Variants in PTPRG observed in about 807,000 individuals in gnomAD.
PTPRG encodes protein tyrosine phosphatase receptor type G, also known as receptor-type tyrosine-protein phosphatase gamma.
A neutral mutation model predicts 165.3 loss-of-function variants in PTPRG; 102 were observed. The observed-to-expected ratio is 0.62, with a 90% CI of 0.53 to 0.73. PTPRG has a LOEUF of 0.73. PTPRG is among the 30% of genes least tolerant of loss of function. The pLI is 0.00. For missense variants in PTPRG, 1,866 were observed against 1,861.4 expected (o/e 1.00, Z -0.05); for synonymous variants, 675 against 669.5 (o/e 1.01, Z -0.13).
chr3:62,132,431 T>G (rs758517590), intron 5 of PTPRG, among the ~76,000 whole-genome samples, 171 bp from the exon 6 acceptor site: 13 of 152,244 alleles, frequency 8.5e-5, no homozygotes, highest in Non-Finnish European at 1.8e-4. Context: ...CCTCACTTGA[T>G]TTTATGATGT....
chr3:61,600,173 AATATATAT>A (rs1218233993), intron 1 of PTPRG, among the ~76,000 whole-genome samples: 1 of 123,482 alleles, frequency 8.1e-6, no homozygotes, highest in African/African-American at 3.0e-5. Flanking sequence ...AAAAAAAAAA[AATATATAT>A]ATATATATAT....
chr3:62,168,127 T>C lies in PTPRG; in HGVS notation c.997T>C (p.Phe333Leu). The change falls in exon 8 of 30, where the codon TTC becomes CTC. Residue 333 changes from phenylalanine to leucine, a missense_variant. By Grantham distance (22) the Phe-to-Leu change is conservative. Transcript: ENST00000474889. ...RDSWNHDMTDFLENPLGTEAS... is the reference protein window; with the variant it reads ...RDSWNHDMTDLLENPLGTEAS... ...CTCCTGGAACCACGACATGACAGACTTCTTAGAAAACCCACTGGGGACAGA... is the reference window on the plus strand; with the variant it reads ...CTCCTGGAACCACGACATGACAGACCTCTTAGAAAACCCACTGGGGACAGA... 1.2e-6 allele frequency: 2 copies of C among 1,614,078 alleles called. No homozygotes were observed. The highest frequency in any genetic ancestry group is 1.7e-6 in the Non-Finnish European group (2 of 1,179,980).
intron 2 of PTPRG, among the ~76,000 whole-genome samples, chr3:61,870,968 G>T (rs553366069): frequency 1.3e-5 from 2 of 152,112 alleles, no homozygotes; most frequent in African/African-American, 4.8e-5. Flanking sequence ...TTCGAATCAG[G>T]GGTTTCAGGA....
At chr3:61,613,280 C>T (rs1480064571) in intron 1 of PTPRG, among the ~76,000 whole-genome samples, 1 of 152,072 alleles carries the variant, frequency 6.6e-6, no homozygotes, top group Non-Finnish European at 1.5e-5. Context: ...TTTTTAAAGG[C>T]ATAGACCAGA....
chr3:62,144,143 G>A (rs572136112), intron 6 of PTPRG, among the ~76,000 whole-genome samples: 2 of 152,240 alleles, frequency 1.3e-5, no homozygotes, highest in South Asian at 2.1e-4. Context: ...CGTGACAGAC[G>A]CACTGGCCTG....
intron 4 of PTPRG, among the ~76,000 whole-genome samples, chr3:62,005,373 G>A (rs1043797578): frequency 2.0e-5 from 3 of 152,174 alleles, no homozygotes; most frequent in Non-Finnish European, 4.4e-5. Context: ...TTAAGTGTAG[G>A]ATTTTCCTTC....
At chr3:62,065,751 C>T (rs975803200) in intron 4 of PTPRG, among the ~76,000 whole-genome samples, 10 of 152,250 alleles carry the variant, frequency 6.6e-5, no homozygotes, top group African/African-American at 1.9e-4. Flanking sequence ...TCCAGAAGAA[C>T]CTTTTGTAAG....
At chr3:62,209,372 T>C (rs1220816870) in intron 12 of PTPRG, among the ~76,000 whole-genome samples, 1 of 152,216 alleles carries the variant, frequency 6.6e-6, no homozygotes, top group Non-Finnish European at 1.5e-5. Context: ...ATTTATAGTA[T>C]TCATGTAAAG....
rs1371380259 is a variant in PTPRG, at chr3:61,767,239, T to TGAAA, written c.190+18257_190+18258insGAAA. The stretch of plus-strand genomic sequence containing the variant: ...AGCCTTGTGACAGCAAGATTCCATC[T>TGAAA]CAAAAAAAAAAAAAAAAAGAAAGTA... On this transcript the variant is annotated intron_variant, in intron 2 of 29. Transcript: ENST00000474889. Among the ~76,000 whole-genome samples, 42 of 73,080 alleles carry TGAAA rather than the reference T, an allele frequency of 5.7e-4. 3 individuals carry two copies. Among genetic ancestry groups the TGAAA allele is most frequent in the Admixed American group, 9.8e-4 (5 of 5,086 alleles). The allele number at this position is 73,080 out of a possible 152,430, so 47.9% of individuals were successfully genotyped here. A position where few individuals can be genotyped will look rare whatever the true frequency, so the allele number is the denominator to read the frequency against.
chr3:61,926,556 C>G (rs1185322106), intron 2 of PTPRG, among the ~76,000 whole-genome samples: 1 of 148,580 alleles, frequency 6.7e-6, no homozygotes, highest in East Asian at 2.1e-4. Context: ...ATAAATTACT[C>G]AGTCTCAGTC....
chr3:61,944,228 A>G (rs1477627199), intron 2 of PTPRG, among the ~76,000 whole-genome samples: 1 of 152,184 alleles, frequency 6.6e-6, no homozygotes, highest in Non-Finnish European at 1.5e-5. Context: ...CTCCCTAAAC[A>G]TTGCCCAGAT....
chr3:61,671,799 C>T (rs1222413176), intron 1 of PTPRG, among the ~76,000 whole-genome samples: 8 of 108,034 alleles, frequency 7.4e-5, no homozygotes, highest in South Asian at 3.6e-4. Flanking sequence ...CCGGATGGGG[C>T]GGCTGGCCGG....
At chr3:61,808,434 C>G (rs879684697) in intron 2 of PTPRG, among the ~76,000 whole-genome samples, 5 of 151,856 alleles carry the variant, frequency 3.3e-5, no homozygotes. Context: ...TTTTTTCATC[C>G]ACCCCAGATA....
intron 2 of PTPRG, among the ~76,000 whole-genome samples, chr3:61,971,644 G>A (rs1020143440): frequency 6.6e-6 from 1 of 152,190 alleles, no homozygotes; most frequent in Non-Finnish European, 1.5e-5. Context: ...TATAACAAGA[G>A]AGGAGATGTC....
chr3:61,705,178 G>A (rs2031183993), intron 1 of PTPRG, among the ~76,000 whole-genome samples: 1 of 152,196 alleles, frequency 6.6e-6, no homozygotes, highest in African/African-American at 2.4e-5. Context: ...CATCCACCAC[G>A]AAGGGGCTCT....
intron 2 of PTPRG, among the ~76,000 whole-genome samples, chr3:61,844,258 C>G (rs2036740147): frequency 6.6e-6 from 1 of 152,004 alleles, no homozygotes; most frequent in Non-Finnish European, 1.5e-5. Flanking sequence ...GCCACCACGC[C>G]CAGCTGAAAA....
At chr3:61,696,202 A>G (rs1011506285) in intron 1 of PTPRG, among the ~76,000 whole-genome samples, 1 of 152,092 alleles carries the variant, frequency 6.6e-6, no homozygotes, top group Non-Finnish European at 1.5e-5. Flanking sequence ...GTACATATCT[A>G]TTAAAAAATT....
intron 26 of PTPRG, among the ~76,000 whole-genome samples, chr3:62,278,855 A>C (rs1702327904): frequency 6.6e-6 from 1 of 152,076 alleles, no homozygotes. Context: ...GGGTTGTTAA[A>C]ACGTTCATTT....
chr3:62,003,465 C>A lies in PTPRG; in HGVS notation c.487C>A (p.His163Asn). ...CAGCAATGGCTCAGCGGGCTCTGAA[C>A]ACAGCATCAATGGCAGGAGGTTTCC... ...GHSNGSAGSEHSINGRRFPVE... is the reference protein window; with the variant it reads ...GHSNGSAGSENSINGRRFPVE... Residue 163 changes from histidine to asparagine, a missense_variant, in exon 4 of 30, where the codon CAC becomes AAC. By Grantham distance (68) the His-to-Asn change is moderately conservative. This residue lies in a region of PTPRG where 408 missense variants were observed against 376.2 expected (regional missense o/e 1.08). Coordinates refer to ENST00000474889, the MANE Select transcript of PTPRG (RefSeq NM_002841.4). 2 of 1,614,030 alleles carry A rather than the reference C, an allele frequency of 1.2e-6. No homozygotes were observed. Among genetic ancestry groups the A allele is most frequent in the Non-Finnish European group, 1.7e-6 (2 of 1,179,938 alleles).
Sources: gnomAD v4.1 joint callset for allele counts (sites outside exome capture counted in the v4.1 genomes callset) on GRCh38, gnomAD v4.1.1 for gene constraint, gnomAD v4.1.1 regional missense constraint, MANE v1.5 for transcripts, NCBI Gene and HGNC (gene_info 2026-07-23, HGNC 2026-07-21) for gene names.